The following SNTG2 variants were observed in gnomAD, a reference collection of about 807,000 sequenced individuals.
The protein encoded by SNTG2 is gamma-2-syntrophin.
SNTG2 carries 74 observed loss-of-function variants against 70.9 expected under a neutral mutation model. That is an observed-to-expected ratio of 1.04 (90% CI 0.86 to 1.27). The LOEUF (loss-of-function observed/expected upper bound fraction) is 1.27. Among genes scored for constraint, SNTG2 ranks in the 50% most tolerant of loss-of-function variants. SNTG2 has a pLI of 0.00. For synonymous variants in SNTG2, 278 were observed against 273.8 expected (o/e 1.02, Z -0.15); for missense variants, 717 against 690.7 (o/e 1.04, Z -0.43).
intron 4 of SNTG2, among the ~76,000 whole-genome samples, chr2:1,100,750 C>T (rs954605951): frequency 1.3e-5 from 2 of 151,936 alleles, no homozygotes; most frequent in African/African-American, 4.8e-5. Flanking sequence ...CAGTTATTTT[C>T]ATTAATGGGT....
chr2:1,315,447 G>C (rs1681229680), intron 15 of SNTG2, among the ~76,000 whole-genome samples: 1 of 151,604 alleles, frequency 6.6e-6, no homozygotes, highest in Non-Finnish European at 1.5e-5. Flanking sequence ...AAAAATAAAA[G>C]CTTTTAATGG....
At chr2:1,336,992 C>T (rs762260097) in intron 16 of SNTG2, among the ~76,000 whole-genome samples, 10 of 152,104 alleles carry the variant, frequency 6.6e-5, no homozygotes, top group Non-Finnish European at 1.3e-4. Context: ...TTCAGTCAAA[C>T]ATGTCATTGG....
chr2:1,293,906 G>A (rs1357442802), intron 14 of SNTG2, among the ~76,000 whole-genome samples: 1 of 152,112 alleles, frequency 6.6e-6, no homozygotes, highest in Admixed American at 6.5e-5. Flanking sequence ...CCATTTGGTT[G>A]ATCCGAAACT....
intron 12 of SNTG2, among the ~76,000 whole-genome samples, chr2:1,251,589 C>CCA (rs1300485764): frequency 8.8e-5 from 13 of 147,986 alleles, no homozygotes; most frequent in African/African-American, 3.2e-4. Flanking sequence ...CAGGCACATA[C>CCA]CACACACACC....
intron 1 of SNTG2, among the ~76,000 whole-genome samples, chr2:1,038,158 T>C (rs1661236703): frequency 6.6e-6 from 1 of 152,248 alleles, no homozygotes; most frequent in African/African-American, 2.4e-5. Context: ...TTGGTTCTAC[T>C]TGATCATCTT....
intron 15 of SNTG2, among the ~76,000 whole-genome samples, chr2:1,312,250 C>A (rs970123465): frequency 6.6e-6 from 1 of 152,050 alleles, no homozygotes; most frequent in Non-Finnish European, 1.5e-5. Flanking sequence ...AACTAGAACA[C>A]CCCCTAGCTG....
chr2:1,189,395 A>G (rs563733399), intron 8 of SNTG2, among the ~76,000 whole-genome samples: 1 of 152,302 alleles, frequency 6.6e-6, no homozygotes, highest in African/African-American at 2.4e-5. Context: ...ACATATTTGT[A>G]AGAGCAAAGT....
chr2:1,165,471 T>G, intron 6 of SNTG2, 77 bp from the exon 7 acceptor site: 1 of 1,310,270 alleles, frequency 7.6e-7, no homozygotes, highest in Non-Finnish European at 1.1e-6. Flanking sequence ...ACAGGAGAGG[T>G]AGAGAGATTT....
At chr2:1,100,242 C>T (rs1464985141) in intron 4 of SNTG2, among the ~76,000 whole-genome samples, 2 of 152,032 alleles carry the variant, frequency 1.3e-5, no homozygotes, top group Non-Finnish European at 2.9e-5. Context: ...TCTCGGCTCA[C>T]TGCAACCTCC....
chr2:966,035 C>T (rs1443689073), intron 1 of SNTG2, among the ~76,000 whole-genome samples: 1 of 152,212 alleles, frequency 6.6e-6, no homozygotes, highest in Non-Finnish European at 1.5e-5. Flanking sequence ...CCTACCATGG[C>T]CTTGCTGCTT....
intron 7 of SNTG2, among the ~76,000 whole-genome samples, chr2:1,168,085 C>G (rs1670863552): frequency 7.9e-6 from 1 of 127,210 alleles, no homozygotes; most frequent in African/African-American, 3.2e-5. Context: ...CTGAAACCTA[C>G]AGGCCGCCCA....
intron 8 of SNTG2, among the ~76,000 whole-genome samples, chr2:1,176,187 G>A (rs1671463463): frequency 6.6e-6 from 1 of 152,124 alleles, no homozygotes; most frequent in African/African-American, 2.4e-5. Context: ...CCAGAATAAA[G>A]CATCATCAGG....
chr2:1,143,992 C>T lies in SNTG2; in HGVS notation c.411+6183C>T, dbSNP rs375696921. ...TGCAATTCTCATGAAAACTCTGGAA[C>T]GCTTGCACATCTCCCACAGTTGACA... On this transcript the variant is annotated intron_variant, in intron 6 of 16. Coordinates refer to ENST00000308624, the MANE Select transcript of SNTG2 (RefSeq NM_018968.4). 1.4e-4 allele frequency among the ~76,000 whole-genome samples: 21 copies of T among 151,786 alleles called. 1 individual carries two copies. The highest frequency in any genetic ancestry group is 4.6e-4 in the African/African-American group (19 of 41,310).
chr2:1,016,481 T>A (rs532604641), intron 1 of SNTG2, among the ~76,000 whole-genome samples: 22 of 152,270 alleles, frequency 1.4e-4, no homozygotes, highest in Middle Eastern at 3.4e-3. Flanking sequence ...TCTCAGGTGA[T>A]CCGCCCGCCT....
At chr2:1,347,446 A>C (rs75537440) in intron 16 of SNTG2, among the ~76,000 whole-genome samples, 2,140 of 152,264 alleles carry the variant, frequency 0.014, 48 homozygotes, top group African/African-American at 0.047. Context: ...ACCATCATCA[A>C]ACCAGGGCAA....
At chr2:1,019,395 G>A (rs1660031566) in intron 1 of SNTG2, among the ~76,000 whole-genome samples, 2 of 152,170 alleles carry the variant, frequency 1.3e-5, no homozygotes, top group Admixed American at 1.3e-4. Flanking sequence ...GTGGGAAGGG[G>A]ACAAACTGGA....
At chr2:1,212,386 A>G (rs4971370) in intron 9 of SNTG2, among the ~76,000 whole-genome samples, 32,620 of 152,114 alleles carry the variant, frequency 0.21, 6,236 homozygotes, top group African/African-American at 0.52. Context: ...CATGCTTCCT[A>G]TGTAGACTAC....
chr2:1,245,119 T>C (rs925950355), intron 11 of SNTG2, among the ~76,000 whole-genome samples: 3 of 96,338 alleles, frequency 3.1e-5, no homozygotes, highest in Admixed American at 1.4e-4. Context: ...TGGGGACTGT[T>C]GTCGGGTGGG....
chr2:1,063,831 C>T (rs2148119572), intron 1 of SNTG2, among the ~76,000 whole-genome samples: 1 of 152,176 alleles, frequency 6.6e-6, no homozygotes, highest in Middle Eastern at 3.4e-3. Context: ...CAGAGTCCGA[C>T]TTAAGTAGAT....
Sources: allele counts gnomAD v4.1 joint callset (sites outside exome capture counted in the v4.1 genomes callset), GRCh38; gene constraint gnomAD v4.1.1; transcripts MANE v1.5; gene names NCBI Gene and HGNC (gene_info 2026-07-23, HGNC 2026-07-21).